Variants in LRRC4C observed in about 807,000 individuals in gnomAD.
The protein encoded by LRRC4C is leucine rich repeat containing 4C.
LRRC4C carries 5 observed loss-of-function variants against 33.6 expected under a neutral mutation model. That is an observed-to-expected ratio of 0.15 (90% CI 0.08 to 0.31). The LOEUF is 0.31. Among genes scored for constraint, LRRC4C ranks in the 10% least tolerant of loss-of-function variants. The pLI is 1.00. For missense variants in LRRC4C, 560 were observed against 796.7 expected, an observed-to-expected ratio of 0.70 and a Z score of 3.58; for synonymous variants, 329 against 302.0, an observed-to-expected ratio of 1.09 and a Z score of -0.93.
At chr11:41,392,774 T>C (rs1953655028) in intron 1 of LRRC4C, among the ~76,000 whole-genome samples, 1 of 151,822 alleles carries the variant, frequency 6.6e-6, no homozygotes, top group Admixed American at 6.6e-5. Flanking sequence ...GATGTAGCTG[T>C]AAGCCAAGGA....
At chr11:40,724,784 A>T (rs1370055936) in intron 2 of LRRC4C, among the ~76,000 whole-genome samples, 2 of 152,194 alleles carry the variant, frequency 1.3e-5, no homozygotes, top group African/African-American at 4.8e-5. Flanking sequence ...CCAAAAAATC[A>T]TGCAAAGAAC....
intron 1 of LRRC4C, among the ~76,000 whole-genome samples, chr11:40,933,962 G>T (rs1017469275): frequency 6.6e-6 from 1 of 152,130 alleles, no homozygotes; most frequent in Non-Finnish European, 1.5e-5. Flanking sequence ...TTGGTTCTGA[G>T]AAAAGTGTCA....
At chr11:40,584,608 C>T (rs1958626818) in intron 3 of LRRC4C, among the ~76,000 whole-genome samples, 1 of 151,952 alleles carries the variant, frequency 6.6e-6, no homozygotes, top group African/African-American at 2.4e-5. Context: ...AGAGAGAATC[C>T]AGAGGCATGG....
intron 2 of LRRC4C, among the ~76,000 whole-genome samples, chr11:40,713,976 A>T (rs1236164193): frequency 3.3e-5 from 5 of 152,188 alleles, no homozygotes; most frequent in African/African-American, 9.7e-5. Context: ...CTCATTCACA[A>T]TACACATTGA....
intron 3 of LRRC4C, among the ~76,000 whole-genome samples, chr11:40,593,574 C>T (rs1304084728): frequency 6.6e-6 from 1 of 152,154 alleles, no homozygotes; most frequent in African/African-American, 2.4e-5. Flanking sequence ...GAGAATTGTA[C>T]TATCACAAGA....
chr11:40,775,334 CG>C (rs1949945286), intron 2 of LRRC4C, among the ~76,000 whole-genome samples: 2 of 151,814 alleles, frequency 1.3e-5, no homozygotes, highest in African/African-American at 4.8e-5. Context: ...GGCGTGAACC[CG>C]GGAGGCGGAG....
intron 1 of LRRC4C, among the ~76,000 whole-genome samples, chr11:41,338,745 G>T (rs1398065653): frequency 2.0e-5 from 3 of 152,078 alleles, no homozygotes; most frequent in Admixed American, 2.0e-4. Flanking sequence ...GCTTGGCATT[G>T]TATTGAGCAT....
At chr11:41,112,050 C>A (rs969563679) in intron 1 of LRRC4C, among the ~76,000 whole-genome samples, 2 of 151,894 alleles carry the variant, frequency 1.3e-5, no homozygotes, top group Admixed American at 6.6e-5. Flanking sequence ...CTGTCTATAT[C>A]CAATGACCCT....
chr11:40,149,114 G>A (rs1857981430), intron 5 of LRRC4C, among the ~76,000 whole-genome samples: 1 of 152,182 alleles, frequency 6.6e-6, no homozygotes, highest in Non-Finnish European at 1.5e-5. Context: ...GTAGTGTGAT[G>A]TATCCAGCTT....
At chr11:40,511,060 T>C (rs568202051) in intron 3 of LRRC4C, among the ~76,000 whole-genome samples, 2 of 152,180 alleles carry the variant, frequency 1.3e-5, no homozygotes, top group Non-Finnish European at 2.9e-5. Context: ...AGCCTTATTG[T>C]AAGGTGTGCC....
At chr11:41,335,521 A>AT (rs1459055933) in intron 1 of LRRC4C, among the ~76,000 whole-genome samples, 9 of 152,082 alleles carry the variant, frequency 5.9e-5, no homozygotes, top group African/African-American at 2.2e-4. Flanking sequence ...TGTTTAATGC[A>AT]TTTTTTATTG....
chr11:41,163,301 T>TTTTTTTTTTTC lies in LRRC4C; in HGVS notation c.-495-229579_-495-229578insGAAAAAAAAAA, dbSNP rs71063903. On this transcript the variant is annotated intron_variant, in intron 1 of 6. Transcript: ENST00000528697. ...CTGTAACTGTTTTTTTTTTTTTTTT[T>TTTTTTTTTTTC]CAAACAGGGTCTTGCTCTGTCACCC... is the stretch of plus-strand genomic sequence containing the variant. Among the ~76,000 whole-genome samples the TTTTTTTTTTTC allele has an allele frequency of 1.4e-5, 2 of 140,508 alleles. 1 individual carries two copies. 92.2% of individuals were successfully genotyped at this position (140,508 alleles called of 152,430 possible).
At chr11:40,782,393 C>T (rs1488170993) in intron 2 of LRRC4C, among the ~76,000 whole-genome samples, 8 of 151,920 alleles carry the variant, frequency 5.3e-5, no homozygotes, top group African/African-American at 1.9e-4. Flanking sequence ...AATGAACACA[C>T]CATTATCTCC....
intron 3 of LRRC4C, among the ~76,000 whole-genome samples, chr11:40,427,186 T>G (rs1178842046): frequency 6.6e-6 from 1 of 151,746 alleles, no homozygotes; most frequent in Non-Finnish European, 1.5e-5. Context: ...TGGAGAAAAA[T>G]AAAAGAAACT....
chr11:40,382,972 C>A (rs1000346513), intron 3 of LRRC4C, among the ~76,000 whole-genome samples: 1 of 152,064 alleles, frequency 6.6e-6, no homozygotes, highest in African/African-American at 2.4e-5. Flanking sequence ...GGATTACAGG[C>A]GTGAGCCACC....
chr11:41,209,162 A>G (rs1278193957), intron 1 of LRRC4C, among the ~76,000 whole-genome samples: 1 of 151,604 alleles, frequency 6.6e-6, no homozygotes, highest in Non-Finnish European at 1.5e-5. Flanking sequence ...AAGTTTACCT[A>G]TATAACCAAC....
At chr11:41,328,333 G>C (rs766963903) in intron 1 of LRRC4C, among the ~76,000 whole-genome samples, 1 of 152,118 alleles carries the variant, frequency 6.6e-6, no homozygotes, top group African/African-American at 2.4e-5. Context: ...AGTGTTCTTT[G>C]TGCCTCACTG....
chr11:40,874,322 A>AT (rs561430092), intron 2 of LRRC4C, among the ~76,000 whole-genome samples: 16 of 151,408 alleles, frequency 1.1e-4, no homozygotes, highest in South Asian at 2.1e-4. Flanking sequence ...GATTTTATGC[A>AT]TTTTTTTTTC....
intron 1 of LRRC4C, among the ~76,000 whole-genome samples, chr11:41,136,345 T>G (rs1027678367): frequency 6.6e-6 from 1 of 152,074 alleles, no homozygotes; most frequent in African/African-American, 2.4e-5. Context: ...GGATCAGAGG[T>G]AAAACTCATG....
Sources: allele counts gnomAD v4.1 joint callset (sites outside exome capture counted in the v4.1 genomes callset), GRCh38; gene constraint gnomAD v4.1.1; transcripts MANE v1.5; gene names NCBI Gene and HGNC (gene_info 2026-07-23, HGNC 2026-07-21).